Variants in MET observed in about 807,000 individuals in gnomAD.
MET encodes the protein hepatocyte growth factor receptor.
MET carries 48 observed loss-of-function variants against 133.1 expected under a neutral mutation model. That is an observed-to-expected ratio of 0.36 (90% CI 0.29 to 0.46). The LOEUF is 0.46. MET is among the 20% of genes least tolerant of loss of function. The pLI, the probability that MET is intolerant of heterozygous loss-of-function variation, is 1.00. For missense variants in MET, 1,442 were observed against 1,695.9 expected (o/e 0.85, Z 2.63); for synonymous variants, 628 against 616.5 (o/e 1.02, Z -0.28).
chr7:116,713,186 G>A, intron 2 of MET, among the ~76,000 whole-genome samples: 1 of 152,150 alleles, frequency 6.6e-6, no homozygotes, highest in Non-Finnish European at 1.5e-5. Context: ...ACGAGGTCAG[G>A]AGATCGAGAC....
intron 2 of MET, among the ~76,000 whole-genome samples, chr7:116,722,177 G>A (rs1478417758): frequency 6.6e-6 from 1 of 151,762 alleles, no homozygotes; most frequent in African/African-American, 2.4e-5. Context: ...TCCTGTATTG[G>A]GTGCATATAT....
intron 9 of MET, among the ~76,000 whole-genome samples, chr7:116,759,042 A>ATC (rs1360688918): frequency 1.3e-5 from 2 of 152,142 alleles, no homozygotes; most frequent in African/African-American, 4.8e-5. Flanking sequence ...TTGAATTGAT[A>ATC]TCTCATTGGA....
intron 2 of MET, among the ~76,000 whole-genome samples, chr7:116,724,521 T>A (rs1792660794): frequency 6.6e-6 from 1 of 152,218 alleles, no homozygotes; most frequent in Admixed American, 6.5e-5. Context: ...CAATACTTTT[T>A]AAAAATTTCC....
chr7:116,745,559 A>G (rs1249644070), intron 5 of MET, among the ~76,000 whole-genome samples: 1 of 152,242 alleles, frequency 6.6e-6, no homozygotes, highest in Non-Finnish European at 1.5e-5. Flanking sequence ...CCAAAACAGC[A>G]TGGTACTGGC....
intron 19 of MET, among the ~76,000 whole-genome samples, chr7:116,786,308 G>T (rs1029770146): frequency 2.0e-5 from 3 of 152,204 alleles, no homozygotes; most frequent in African/African-American, 7.2e-5. Context: ...CATTGTCACA[G>T]TGGGGCTTAG....
At chr7:116,764,072 C>T (rs1227223433) in intron 11 of MET, among the ~76,000 whole-genome samples, 3 of 152,080 alleles carry the variant, frequency 2.0e-5, no homozygotes, top group African/African-American at 7.2e-5. Flanking sequence ...TATGAACAAA[C>T]ATAAAGCAAT....
At chr7:116,760,319 A>G (rs1437572268) in intron 10 of MET, among the ~76,000 whole-genome samples, 2 of 152,134 alleles carry the variant, frequency 1.3e-5, no homozygotes, top group East Asian at 3.9e-4. Flanking sequence ...GCTAACAAAG[A>G]AAGAGCATTA....
At chr7:116,701,475 C>T (rs1791577638) in intron 2 of MET, among the ~76,000 whole-genome samples, 1 of 152,104 alleles carries the variant, frequency 6.6e-6, no homozygotes, top group African/African-American at 2.4e-5. Context: ...GGACACTTCT[C>T]TAGATGGAAA....
At chr7:116,778,303 A>T (rs542857662) in intron 16 of MET, among the ~76,000 whole-genome samples, 2 of 152,342 alleles carry the variant, frequency 1.3e-5, no homozygotes, top group Non-Finnish European at 2.9e-5. Flanking sequence ...AAAAATGTTA[A>T]CCAGCTCTAC....
At chr7:116,750,313 C>G (rs1402555312) in intron 5 of MET, among the ~76,000 whole-genome samples, 1 of 152,128 alleles carries the variant, frequency 6.6e-6, no homozygotes, top group African/African-American at 2.4e-5. Context: ...ACAAACCTGA[C>G]AAAAACAAGC....
chr7:116,757,523 G>A lies in MET; in HGVS notation c.1949G>A (p.Ser650Asn), dbSNP rs2116921114. The A allele has an allele frequency of 5.6e-6, 9 of 1,613,534 alleles. No homozygotes were observed. The highest frequency in any genetic ancestry group is 7.6e-6 in the Non-Finnish European group (9 of 1,179,624). ...ISNGHGTTQY[S>N]TFSYVDPVIT... ...AATGGCCACGGGACAACACAATACA[G>A]TACATTCTCCTATGTGGTAAGGAAG... Residue 650 changes from serine (S) to asparagine (N), a missense_variant, in exon 7 of 21, where the codon AGT becomes AAT. Ser to Asn is a conservative substitution (Grantham distance 46). Transcript: ENST00000397752.
At chr7:116,714,571 T>C (rs1792118882) in intron 2 of MET, among the ~76,000 whole-genome samples, 1 of 152,190 alleles carries the variant, frequency 6.6e-6, no homozygotes, top group East Asian at 1.9e-4. Flanking sequence ...ATACTTTGCA[T>C]CAGTTAGCTA....
chr7:116,777,613 G>T (rs1294358256), intron 16 of MET, 144 bp downstream of exon 16: 3 of 808,104 alleles, frequency 3.7e-6, no homozygotes, highest in Non-Finnish European at 6.2e-6. Flanking sequence ...CTGAAAATTT[G>T]TTTTGTTCTA....
At chr7:116,689,161 G>A (rs1285808715) in intron 1 of MET, among the ~76,000 whole-genome samples, 1 of 152,140 alleles carries the variant, frequency 6.6e-6, no homozygotes. Context: ...AGGGGAAAAA[G>A]TTTCTTTACT....
At chr7:116,753,162 T>A (rs1216304845) in intron 5 of MET, among the ~76,000 whole-genome samples, 3 of 152,200 alleles carry the variant, frequency 2.0e-5, no homozygotes, top group African/African-American at 7.2e-5. Context: ...TGGTTTGCAA[T>A]TATTTACTTA....
chr7:116,755,352 T>C lies in MET; in HGVS notation c.1702-3T>C, dbSNP rs754686930. ...TTTTAAAAGTTCTATGTTGTCCTTG[T>C]AGGTTTTCCCAAATAGTGCACCCCT... On this transcript the variant is annotated splice_polypyrimidine_tract_variant and splice_region_variant and intron_variant, in intron 5 of 20. Coordinates refer to ENST00000397752, the MANE Select transcript of MET (RefSeq NM_000245.4). 1.2e-6 allele frequency: 2 copies of C among 1,613,930 alleles called. No individual in the cohort carries two copies. Among genetic ancestry groups the C allele is most frequent in the Non-Finnish European group, 1.7e-6 (2 of 1,179,950 alleles).
rs1406119507 is a variant in MET, at chr7:116,672,299, C to G, written c.-293C>G. On this transcript the variant is annotated 5_prime_UTR_variant, in exon 1 of 21. Transcript: ENST00000397752. ...GCCGCGGGCCGCGCGCGCCGATGCC[C>G]GGCTGAGTCACTGGCAGGGCAGCGC... 4.8e-6 allele frequency: 1 copy of G among 210,404 alleles called. No individual in the cohort carries two copies. Among genetic ancestry groups the G allele is most frequent in the African/African-American group, 2.3e-5 (1 of 42,578 alleles). 13.0% of individuals were successfully genotyped at this position (210,404 alleles called of 1,614,324 possible). A position where few individuals can be genotyped will look rare whatever the true frequency, so the allele number is the denominator to read the frequency against.
intron 1 of MET, among the ~76,000 whole-genome samples, chr7:116,696,938 G>A (rs889765925): frequency 7.9e-5 from 12 of 152,210 alleles, no homozygotes; most frequent in Non-Finnish European, 1.0e-4. Context: ...TCTCATTTCC[G>A]CCTCTGTTCT....
chr7:116,731,229 C>T (rs1455335078), intron 2 of MET, among the ~76,000 whole-genome samples: 1 of 152,206 alleles, frequency 6.6e-6, no homozygotes, highest in Non-Finnish European at 1.5e-5. Flanking sequence ...TCCCTACCAT[C>T]TCTCTGCACA....
Sources: gnomAD v4.1 joint callset for allele counts (sites outside exome capture counted in the v4.1 genomes callset) on GRCh38, gnomAD v4.1.1 for gene constraint, MANE v1.5 for transcripts, NCBI Gene and HGNC (gene_info 2026-07-23, HGNC 2026-07-21) for gene names.